The following DGLUCY variants were observed in gnomAD, a reference collection of about 807,000 sequenced individuals.
DGLUCY encodes D-glutamate cyclase.
Under a neutral mutation model 58.5 loss-of-function variants are expected in DGLUCY, and 58 were observed. That is an observed-to-expected ratio of 0.99 (90% CI 0.80 to 1.23). DGLUCY has a LOEUF of 1.23. Ranked by LOEUF, DGLUCY falls within the 50% of genes most tolerant of loss-of-function variation. The pLI is 0.00. For synonymous variants in DGLUCY, 325 were observed against 314.1 expected (o/e 1.03, Z -0.37); for missense variants, 779 against 784.7 (o/e 0.99, Z 0.09).
Position 91,168,577 on chromosome 14 carries a change from G to T in DGLUCY, c.257+1199G>T, listed in dbSNP as rs192598886. 2.9e-3 allele frequency among the ~76,000 whole-genome samples: 437 copies of T among 152,284 alleles called. 2 individuals carry two copies. The highest frequency in any genetic ancestry group is 0.01 in the African/African-American group (417 of 41,576). ...GCCCATCCCCCAGTGGGCTTTCCAC[G>T]TGCTGCTTCCTCTGCCTGGGTATGC... On this transcript the variant is annotated intron_variant, in intron 4 of 13. Coordinates refer to ENST00000256324, the MANE Select transcript of DGLUCY (RefSeq NM_001102368.3).
At chr14:91,082,295 A>G (rs2044140948) in intron 1 of DGLUCY, among the ~76,000 whole-genome samples, 1 of 152,226 alleles carries the variant, frequency 6.6e-6, no homozygotes, top group Non-Finnish European at 1.5e-5. Context: ...TGAAAGAGGT[A>G]CCTGACCCAA....
At chr14:91,220,345 G>A (rs1285879140) in intron 13 of DGLUCY, 2 of 389,178 alleles carry the variant, frequency 5.1e-6, no homozygotes, top group Non-Finnish European at 1.0e-5. Context: ...CATAGTATCT[G>A]GCATGGATTA....
At chr14:91,076,279 C>G (rs1004811660) in intron 1 of DGLUCY, among the ~76,000 whole-genome samples, 26 of 152,150 alleles carry the variant, frequency 1.7e-4, no homozygotes, top group African/African-American at 6.0e-4. Context: ...TTCGTAGCAT[C>G]TGTAGATGCT....
intron 13 of DGLUCY, among the ~76,000 whole-genome samples, chr14:91,223,329 A>G (rs897235801): frequency 3.9e-5 from 6 of 152,174 alleles, no homozygotes; most frequent in Non-Finnish European, 7.4e-5. Flanking sequence ...CCTTTGATCA[A>G]TGGTGGGATG....
intron 8 of DGLUCY, among the ~76,000 whole-genome samples, chr14:91,183,690 G>C (rs747276797): frequency 6.6e-6 from 1 of 152,166 alleles, no homozygotes; most frequent in Non-Finnish European, 1.5e-5. Context: ...TTTAACAGGT[G>C]AGGAAACTGA....
intron 4 of DGLUCY, chr14:91,167,600 C>G (rs1190694121): frequency 1.4e-6 from 1 of 727,058 alleles, no homozygotes; most frequent in African/African-American, 1.7e-5. Context: ...TCTTTGAGAT[C>G]ATGGAGAAAG....
At chr14:91,202,264 G>A (rs1197782048) in intron 11 of DGLUCY, among the ~76,000 whole-genome samples, 1 of 151,932 alleles carries the variant, frequency 6.6e-6, no homozygotes, top group East Asian at 1.9e-4. Context: ...CAGACTCCTG[G>A]GGCCCCAGCC....
intron 5 of DGLUCY, 105 bp from the exon 6 acceptor site, chr14:91,173,184 C>A: frequency 3.0e-6 from 3 of 983,630 alleles, no homozygotes; most frequent in Admixed American, 2.2e-5. Flanking sequence ...ATAACAGCTA[C>A]TCCTCCTTCA....
chr14:91,183,235 G>C (rs1345517905), intron 8 of DGLUCY, among the ~76,000 whole-genome samples: 1 of 151,804 alleles, frequency 6.6e-6, no homozygotes, highest in African/African-American at 2.4e-5. Flanking sequence ...AGCTCAAGTG[G>C]TCTGCCCACC....
rs76164842 is a variant in DGLUCY at position 91,114,696 on chromosome 14, A to G, written c.-82+413A>G. The G allele has an allele frequency of 6.1e-3, 923 of 152,388 alleles. 11 individuals are homozygous for G. Among genetic ancestry groups the G allele is most frequent in the African/African-American group, 0.021 (881 of 41,558 alleles). The allele number at this position is 152,388 out of a possible 1,614,324, so 9.4% of individuals were successfully genotyped here. On this transcript the variant is annotated intron_variant, in intron 1 of 13. Transcript: ENST00000256324. ...GGTGACAAAGCTAATCGAGGTGGCA[A>G]TTGGGGAAGGGGTTCTGGGCTGCCG...
At chr14:91,116,897 T>A (rs1045040203) in intron 1 of DGLUCY, among the ~76,000 whole-genome samples, 4 of 149,624 alleles carry the variant, frequency 2.7e-5, no homozygotes, top group Non-Finnish European at 5.9e-5. Flanking sequence ...TGAGCCGAAA[T>A]CGCCCCACTG....
At chr14:91,191,408 T>G (rs2049884193) in intron 9 of DGLUCY, among the ~76,000 whole-genome samples, 1 of 152,166 alleles carries the variant, frequency 6.6e-6, no homozygotes, top group African/African-American at 2.4e-5. Context: ...AAATATTTTA[T>G]GCTACTGAAC....
At chr14:91,169,936 T>C in intron 4 of DGLUCY, 67 bp from the exon 5 acceptor site, 4 of 1,500,176 alleles carry the variant, frequency 2.7e-6, no homozygotes, top group Non-Finnish European at 3.7e-6. Context: ...GCAGTCCTTC[T>C]ATAATGTATT....
chr14:91,107,120 C>G (rs888174023), upstream of DGLUCY, among the ~76,000 whole-genome samples: 5 of 152,218 alleles, frequency 3.3e-5, no homozygotes, highest in Non-Finnish European at 7.3e-5. Flanking sequence ...TTTTTATGTA[C>G]AAGCGAGCTA....
intron 1 of DGLUCY, among the ~76,000 whole-genome samples, chr14:91,083,555 C>T (rs909405840): frequency 1.1e-4 from 16 of 151,090 alleles, no homozygotes; most frequent in African/African-American, 3.4e-4. Context: ...GAGAACGATC[C>T]GTAAAAGAGC....
intron 13 of DGLUCY, among the ~76,000 whole-genome samples, chr14:91,220,170 C>T (rs746310526): frequency 3.3e-5 from 5 of 152,212 alleles, no homozygotes; most frequent in Non-Finnish European, 5.9e-5. Flanking sequence ...TTAGGAAGGT[C>T]GCAGGCCCTG....
intron 1 of DGLUCY, among the ~76,000 whole-genome samples, chr14:91,116,291 G>T (rs1023820792): frequency 6.6e-6 from 1 of 152,160 alleles, no homozygotes; most frequent in Non-Finnish European, 1.5e-5. Context: ...AAACAGACTT[G>T]AATTTGTTTT....
In DGLUCY at chr14:91,181,180, T is replaced by C. The variant is rs1393455450; in HGVS notation, c.731-6T>C. 1.2e-6 allele frequency: 2 copies of C among 1,613,764 alleles called. No homozygotes were observed. The highest frequency in any genetic ancestry group is 4.5e-5 in the East Asian group (2 of 44,896). On this transcript the variant is annotated splice_region_variant and splice_polypyrimidine_tract_variant and intron_variant, in intron 7 of 13. Transcript: ENST00000256324. ...TGGGCTCAGACCCTCCTGCTGTGTGTTTTAGAGACCCCACTGGCTTTTGCC... is the reference window on the plus strand; with the variant it reads ...TGGGCTCAGACCCTCCTGCTGTGTGCTTTAGAGACCCCACTGGCTTTTGCC...
At chr14:91,123,235 C>T (rs921194636) in intron 1 of DGLUCY, among the ~76,000 whole-genome samples, 1 of 152,124 alleles carries the variant, frequency 6.6e-6, no homozygotes, top group Non-Finnish European at 1.5e-5. Context: ...TGTCAAGTAA[C>T]GAACACACAA....
Sources: allele counts gnomAD v4.1 joint callset (sites outside exome capture counted in the v4.1 genomes callset), GRCh38; gene constraint gnomAD v4.1.1; transcripts MANE v1.5; gene names NCBI Gene and HGNC (gene_info 2026-07-23, HGNC 2026-07-21).